DOCK10: variants seen among roughly 807,000 people sequenced by gnomAD.
The protein encoded by DOCK10 is dedicator of cytokinesis protein 10.
In DOCK10, 145 loss-of-function variants were observed where a neutral mutation model predicts 280.1. The ratio of observed to expected loss-of-function variants is 0.52; its 90% CI spans 0.45 to 0.59. DOCK10 has a LOEUF of 0.59. Among genes scored for constraint, DOCK10 ranks in the 20% least tolerant of loss-of-function variants. The probability of loss-of-function intolerance (pLI) is 0.00; values close to 1 mark genes in which losing one functional copy is unlikely to be tolerated. For synonymous variants in DOCK10, 915 were observed against 942.2 expected (o/e 0.97, Z 0.53); for missense variants, 2,368 against 2,651.7 (o/e 0.89, Z 2.35).
Position 224,855,087 on chromosome 2 carries a change from A to ACACACACACG in DOCK10, c.1809-46_1809-45insCGTGTGTGTG, listed in dbSNP as rs760329338. 4.2e-4 allele frequency: 510 copies of ACACACACACG among 1,200,304 alleles called. 2 individuals are homozygous for ACACACACACG. The African/African-American group carries it at 7.4e-3, about 17-fold the overall frequency. 74.4% of individuals were successfully genotyped at this position (1,200,304 alleles called of 1,614,324 possible). A position where few individuals can be genotyped will look rare whatever the true frequency, so the allele number is the denominator to read the frequency against. On this transcript the variant is annotated intron_variant, in intron 15 of 55. Transcript: ENST00000258390. The stretch of plus-strand genomic sequence containing the variant: ...AGGACACACACACACACACACACAC[A>ACACACACACG]CACACACACACACAGAGTATTATTC...
intron 45 of DOCK10, 79 bp from the exon 46 acceptor site, chr2:224,793,536 T>A: frequency 8.9e-7 from 1 of 1,117,908 alleles, no homozygotes; most frequent in Non-Finnish European, 1.3e-6. Flanking sequence ...GGCGAGTCAG[T>A]ATTCCATATC....
rs1415080884 is a variant in DOCK10, at chr2:224,845,239, A to G, written c.2445T>C (p.Pro815=). ...YNIPIATSLP[P]NYLSFQDSAS... ...CAGAATCTTGAAAGCTTAAATAATT[A>G]GGAGGCAGACTTGTTGCTATTGGGA... Residue 815 remains proline (P), a synonymous_variant, in exon 21 of 56, where the codon CCT becomes CCC. Transcript: ENST00000258390. 6.3e-7 allele frequency: 1 copy of G among 1,583,016 alleles called. No homozygotes were observed.
At chr2:225,000,201 CACAG>C (rs963662212) in intron 1 of DOCK10, among the ~76,000 whole-genome samples, 14 of 125,744 alleles carry the variant, frequency 1.1e-4, no homozygotes, top group African/African-American at 1.7e-4. Context: ...CACACACACA[CACAG>C]ACACACACAC....
rs57424275 is a variant in DOCK10, at chr2:225,035,542, T to TTATATATA, written c.123+6702_123+6709dup. 4.0e-3 allele frequency among the ~76,000 whole-genome samples: 200 copies of TTATATATA among 49,910 alleles called. 2 individuals are homozygous for TTATATATA. The highest frequency in any genetic ancestry group is 5.6e-3 in the Admixed American group (21 of 3,728). 32.7% of individuals were successfully genotyped at this position (49,910 alleles called of 152,430 possible). On this transcript the variant is annotated intron_variant, in intron 1 of 55. Transcript: ENST00000258390. The stretch of plus-strand genomic sequence containing the variant: ...TAGATCTTATATGATATGATATATA[T>TTATATATA]TATATATATATATATATATATATAT...
intron 1 of DOCK10, among the ~76,000 whole-genome samples, chr2:225,005,072 T>G (rs750343156): frequency 4.6e-5 from 7 of 152,182 alleles, no homozygotes; most frequent in Admixed American, 1.3e-4. Flanking sequence ...TAGAGGCAAT[T>G]TGAAAGTTAA....
chr2:224,922,133 A>T (rs1701795031), intron 2 of DOCK10, among the ~76,000 whole-genome samples: 1 of 150,740 alleles, frequency 6.6e-6, no homozygotes, highest in Non-Finnish European at 1.5e-5. Flanking sequence ...AAAAAAAAAA[A>T]AAAAAAAAAA....
intron 14 of DOCK10, among the ~76,000 whole-genome samples, chr2:224,858,104 C>T (rs898050938): frequency 1.3e-5 from 2 of 152,262 alleles, no homozygotes; most frequent in Middle Eastern, 3.4e-3. Context: ...GCGTTTGTTT[C>T]AGTGCATCAC....
At chr2:224,904,860 T>TA (rs1360908374) in intron 3 of DOCK10, among the ~76,000 whole-genome samples, 1 of 152,152 alleles carries the variant, frequency 6.6e-6, no homozygotes, top group Non-Finnish European at 1.5e-5. Context: ...ACTATAAAAG[T>TA]AAAAAAAGAA....
intron 7 of DOCK10, 134 bp from the exon 8 acceptor site, chr2:224,876,355 C>A: frequency 1.4e-6 from 1 of 737,590 alleles, no homozygotes; most frequent in South Asian, 2.1e-5. Flanking sequence ...TTTTCCAGAA[C>A]AAGACAAAAT....
At chr2:224,823,884 C>T (rs567853406) in intron 27 of DOCK10, among the ~76,000 whole-genome samples, 3 of 152,154 alleles carry the variant, frequency 2.0e-5, no homozygotes, top group African/African-American at 7.2e-5. Flanking sequence ...TAATAAAAGT[C>T]AATCATAACA....
At position 224,864,599 on chromosome 2, in the gene DOCK10, A is replaced by G. The variant is rs745888795; in HGVS notation, c.1556T>C (p.Ile519Thr). The G allele has an allele frequency of 3.7e-6, 6 of 1,613,236 alleles. No individual in the cohort carries two copies. Among genetic ancestry groups the G allele is most frequent in the African/African-American group, 1.3e-5 (1 of 74,864 alleles). The stretch of plus-strand genomic sequence containing the variant: ...AATATAAGGTTCGGCACCACTTGCA[A>G]TGTTTCCCATCAAGACTTTTTCGAT... ...AKIEKVLMGN[I>T]ASGAEPYIKN... Residue 519 changes from isoleucine to threonine, a missense_variant, in exon 13 of 56, where the codon ATT (isoleucine) becomes ACT (threonine). By Grantham distance (89) the Ile-to-Thr change is moderately conservative. Around this residue, in one of 2 missense-constraint regions of DOCK10, gnomAD observed 1,209 missense variants for 1,250.9 expected, o/e 0.97. Coordinates refer to ENST00000258390, the MANE Select transcript of DOCK10 (RefSeq NM_014689.3).
At chr2:224,882,319 C>A (rs773760917) in intron 7 of DOCK10, among the ~76,000 whole-genome samples, 2 of 152,164 alleles carry the variant, frequency 1.3e-5, no homozygotes, top group African/African-American at 4.8e-5. Context: ...AAACCAAGTT[C>A]TTTTCCAGAT....
intron 22 of DOCK10, among the ~76,000 whole-genome samples, chr2:224,843,402 G>A (rs1286622185): frequency 6.6e-6 from 1 of 152,184 alleles, no homozygotes; most frequent in Non-Finnish European, 1.5e-5. Flanking sequence ...AAACTGAGGA[G>A]CTGCTGAGAT....
At chr2:224,801,509 C>T (rs7571591) in intron 40 of DOCK10, among the ~76,000 whole-genome samples, 2,318 of 152,124 alleles carry the variant, frequency 0.015, 63 homozygotes, top group African/African-American at 0.053. Flanking sequence ...GCTTACAAAA[C>T]GCTGGCCTCC....
intron 2 of DOCK10, among the ~76,000 whole-genome samples, chr2:224,924,624 T>C (rs1300786086): frequency 6.6e-6 from 1 of 152,234 alleles, no homozygotes; most frequent in Admixed American, 6.5e-5. Flanking sequence ...ATTTGGGTTA[T>C]TCTCATTTTG....
intron 27 of DOCK10, 64 bp downstream of exon 27, chr2:224,830,477 C>T (rs1695152921): frequency 1.2e-6 from 1 of 866,040 alleles, no homozygotes; most frequent in South Asian, 3.0e-5. Flanking sequence ...ACAGCATAAT[C>T]ATTAGTGTAA....
intron 1 of DOCK10, among the ~76,000 whole-genome samples, chr2:225,041,227 T>TAA (rs1690414720): frequency 6.6e-6 from 1 of 152,122 alleles, no homozygotes; most frequent in Admixed American, 6.6e-5. Context: ...TTCACACTCT[T>TAA]AAAAAGAGCC....
At chr2:224,966,384 A>G (rs564382743) in intron 1 of DOCK10, among the ~76,000 whole-genome samples, 2 of 146,658 alleles carry the variant, frequency 1.4e-5, no homozygotes, top group South Asian at 2.1e-4. Context: ...CATTAGCATG[A>G]TACAACACAG....
chr2:224,824,429 C>CTTTTTTTTT lies in DOCK10; in HGVS notation c.3037-791_3037-783dup, dbSNP rs869275800. Reference sequence around the variant, plus strand: ...CCGAGTTCTTCCATCTCAGACTCTGCTTTTTTTTTTTTTTTTTTTTTTTTG... The same window carrying CTTTTTTTTT: ...CCGAGTTCTTCCATCTCAGACTCTGCTTTTTTTTTTTTTTTTTTTTTTTTTTTTTTTTTG... On this transcript the variant is annotated intron_variant, in intron 27 of 55. Coordinates refer to ENST00000258390, the MANE Select transcript of DOCK10 (RefSeq NM_014689.3). Among the ~76,000 whole-genome samples, 18 of 63,602 alleles carry CTTTTTTTTT rather than the reference C, an allele frequency of 2.8e-4. 2 individuals are homozygous for CTTTTTTTTT. Among genetic ancestry groups the CTTTTTTTTT allele is most frequent in the African/African-American group, 4.4e-4 (6 of 13,754 alleles). The allele number at this position is 63,602 out of a possible 152,430, so 41.7% of individuals were successfully genotyped here.
Sources: allele counts gnomAD v4.1 joint callset (sites outside exome capture counted in the v4.1 genomes callset), GRCh38; gene constraint gnomAD v4.1.1; regional missense constraint gnomAD v4.1.1; transcripts MANE v1.5; gene names NCBI Gene and HGNC (gene_info 2026-07-23, HGNC 2026-07-21).